Variants in CACNA2D1 observed in about 807,000 individuals in gnomAD.
The protein encoded by CACNA2D1 is calcium voltage-gated channel auxiliary subunit alpha2delta 1, also known as voltage-dependent calcium channel subunit alpha-2/delta-1.
CACNA2D1 carries 53 observed loss-of-function variants against 171.5 expected under a neutral mutation model. That is an observed-to-expected ratio of 0.31 (90% CI 0.25 to 0.39). CACNA2D1 has a LOEUF of 0.39. Ranked by LOEUF, CACNA2D1 falls within the 10% of genes least tolerant of loss-of-function variation. The pLI, the probability that CACNA2D1 is intolerant of heterozygous loss-of-function variation, is 1.00. For missense variants in CACNA2D1, 903 were observed against 1,299.8 expected (o/e 0.69, Z 4.69); for synonymous variants, 442 against 443.1 (o/e 1.00, Z 0.03).
At chr7:81,994,776 A>G (rs1396366765) in intron 20 of CACNA2D1, 92 bp downstream of exon 20, 2 of 717,426 alleles carry the variant, frequency 2.8e-6, no homozygotes, top group East Asian at 5.5e-5. Context: ...TTATAAGTAA[A>G]TAGTGGATTA....
intron 1 of CACNA2D1, among the ~76,000 whole-genome samples, chr7:82,392,443 C>T (rs188252364): frequency 5.3e-5 from 8 of 152,194 alleles, no homozygotes; most frequent in East Asian, 3.9e-4. Flanking sequence ...TTCTCAGACG[C>T]GGGACAAGAA....
chr7:82,401,054 C>A (rs947587894), intron 1 of CACNA2D1, among the ~76,000 whole-genome samples: 2 of 152,082 alleles, frequency 1.3e-5, no homozygotes, highest in African/African-American at 2.4e-5. Flanking sequence ...AGTCAGGAAA[C>A]AACAGGTGCT....
chr7:82,217,105 T>G (rs1801193230), intron 3 of CACNA2D1, among the ~76,000 whole-genome samples: 1 of 151,898 alleles, frequency 6.6e-6, no homozygotes. Flanking sequence ...GCTCAGGATC[T>G]TTTTATTAGT....
chr7:82,127,140 TTGTC>T (rs1210463958), intron 5 of CACNA2D1, among the ~76,000 whole-genome samples: 1 of 152,236 alleles, frequency 6.6e-6, no homozygotes, highest in Non-Finnish European at 1.5e-5. Context: ...GGAAACTACA[TTGTC>T]TGTTTTAACT....
At chr7:82,365,220 T>G (rs1821547911) in intron 1 of CACNA2D1, among the ~76,000 whole-genome samples, 1 of 152,124 alleles carries the variant, frequency 6.6e-6, no homozygotes, top group African/African-American at 2.4e-5. Flanking sequence ...AAATTTACTT[T>G]TGCACATTAA....
intron 3 of CACNA2D1, among the ~76,000 whole-genome samples, chr7:82,285,534 G>C (rs1220936325): frequency 2.6e-5 from 4 of 152,156 alleles, no homozygotes; most frequent in Non-Finnish European, 4.4e-5. Flanking sequence ...GCTGAGCAGG[G>C]GGTGATAAGG....
intron 3 of CACNA2D1, among the ~76,000 whole-genome samples, chr7:82,208,647 T>C (rs1385525556): frequency 6.6e-6 from 1 of 151,936 alleles, no homozygotes; most frequent in African/African-American, 2.4e-5. Context: ...GAAATATCTT[T>C]ACTTTATCAG....
intron 3 of CACNA2D1, among the ~76,000 whole-genome samples, chr7:82,227,973 T>C (rs1351666110): frequency 1.3e-5 from 2 of 152,150 alleles, no homozygotes; most frequent in Non-Finnish European, 2.9e-5. Context: ...CCCCCGGCTG[T>C]ACATGTCCTT....
chr7:82,133,917 C>CA (rs1232730366), intron 5 of CACNA2D1, among the ~76,000 whole-genome samples: 1 of 151,646 alleles, frequency 6.6e-6, no homozygotes, highest in African/African-American at 2.4e-5. Context: ...CTAAAAAATA[C>CA]AAAAAATTAG....
chr7:81,970,585 T>C, intron 27 of CACNA2D1, 90 bp downstream of exon 27: 1 of 784,586 alleles, frequency 1.3e-6, no homozygotes, highest in Non-Finnish European at 2.3e-6. Context: ...TCAGTTTATT[T>C]GAAGAATGGC....
chr7:82,042,466 T>C (rs1804081207), intron 10 of CACNA2D1, among the ~76,000 whole-genome samples: 1 of 152,192 alleles, frequency 6.6e-6, no homozygotes, highest in South Asian at 2.1e-4. Flanking sequence ...AAAATACTTC[T>C]TGTAAAAGTG....
rs1186051711 is a variant in CACNA2D1, at chr7:82,114,133, AATTT to A, written c.526+2907_526+2910del. 7.5e-5 allele frequency among the ~76,000 whole-genome samples: 11 copies of A among 147,604 alleles called. No individual in the cohort carries two copies. The East Asian group carries it at 1.9e-3, about 26-fold the overall frequency. ...AAGAAAAACATTGTTTACACAAATT[AATTT>A]GTGTATGTAAATTGTAGCATACTAA... On this transcript the variant is annotated intron_variant, in intron 6 of 38. Transcript: ENST00000356860.
At chr7:82,397,737 C>A (rs1298624797) in intron 1 of CACNA2D1, among the ~76,000 whole-genome samples, 1 of 152,104 alleles carries the variant, frequency 6.6e-6, no homozygotes, top group African/African-American at 2.4e-5. Flanking sequence ...CACATATGAC[C>A]CATTTAATCA....
intron 9 of CACNA2D1, among the ~76,000 whole-genome samples, chr7:82,062,868 T>TGTAGCTGGAATTACAG (rs1306673789): frequency 1.3e-5 from 2 of 150,500 alleles, no homozygotes; most frequent in African/African-American, 4.9e-5. Context: ...GCCTCCAAAA[T>TGTAGCTGGAATTACAG]GTAGCTGGAA....
intron 10 of CACNA2D1, among the ~76,000 whole-genome samples, chr7:82,044,494 C>A (rs1804319922): frequency 6.6e-6 from 1 of 152,140 alleles, no homozygotes; most frequent in African/African-American, 2.4e-5. Flanking sequence ...GACCTGACTG[C>A]TTTGGAAAAG....
intron 6 of CACNA2D1, among the ~76,000 whole-genome samples, chr7:82,089,479 C>T (rs1344108662): frequency 6.6e-6 from 1 of 152,078 alleles, no homozygotes; most frequent in African/African-American, 2.4e-5. Context: ...GGAAATCAAA[C>T]CTTGACTTTG....
chr7:82,407,338 G>T (rs536867218), intron 1 of CACNA2D1, among the ~76,000 whole-genome samples: 3 of 152,314 alleles, frequency 2.0e-5, no homozygotes, highest in Non-Finnish European at 4.4e-5. Context: ...AATAAGCAAA[G>T]TAAGATATGA....
intron 6 of CACNA2D1, among the ~76,000 whole-genome samples, chr7:82,112,275 T>C (rs1788562416): frequency 6.6e-6 from 1 of 152,208 alleles, no homozygotes; most frequent in Admixed American, 6.5e-5. Flanking sequence ...AATTTCAGTA[T>C]TTTAAAGTTG....
rs932080938 is a variant in CACNA2D1 at position 82,099,422 on chromosome 7, C to CTTT, written c.527-14525_527-14523dup. On this transcript the variant is annotated intron_variant, in intron 6 of 38. Coordinates refer to ENST00000356860, the MANE Select transcript of CACNA2D1 (RefSeq NM_000722.4). ...ACTCTAAAACAGGTAGCAATACCTT[C>CTTT]TTTTTTTTTTTTTTTTTTTTTTTTT... Among the ~76,000 whole-genome samples, 33 of 40,280 alleles carry CTTT rather than the reference C, an allele frequency of 8.2e-4. 3 individuals are homozygous for CTTT. The highest frequency in any genetic ancestry group is 1.2e-3 in the Admixed American group (4 of 3,272). The allele number at this position is 40,280 out of a possible 152,430, so 26.4% of individuals were successfully genotyped here.
Sources: allele counts gnomAD v4.1 joint callset (sites outside exome capture counted in the v4.1 genomes callset), GRCh38; gene constraint gnomAD v4.1.1; transcripts MANE v1.5; gene names NCBI Gene and HGNC (gene_info 2026-07-23, HGNC 2026-07-21).